The following SNTG2 variants were observed in gnomAD, a reference collection of about 807,000 sequenced individuals.
SNTG2 encodes gamma-2-syntrophin.
A neutral mutation model predicts 70.9 loss-of-function variants in SNTG2; 74 were observed. The observed-to-expected ratio is 1.04, with a 90% confidence interval of 0.86 to 1.27. SNTG2 has a LOEUF of 1.27. Among genes scored for constraint, SNTG2 ranks in the 50% most tolerant of loss-of-function variants. SNTG2 has a pLI of 0.00. For synonymous variants in SNTG2, 278 were observed against 273.8 expected (o/e 1.02, Z -0.15); for missense variants, 717 against 690.7 (o/e 1.04, Z -0.43).
Position 1,000,659 on chromosome 2 carries a change from C to T in SNTG2, c.72+49591C>T, listed in dbSNP as rs149552747. Among the ~76,000 whole-genome samples, 1,210 of 151,650 alleles carry T rather than the reference C, an allele frequency of 8.0e-3. 7 individuals are homozygous for T. Among genetic ancestry groups the T allele is most frequent in the Non-Finnish European group, 0.012 (786 of 67,716 alleles). ...TAACCAAAACAAGTCCAGGATCAGA[C>T]AGTTTCACAGATAAATTATACTAGA... On this transcript the variant is annotated intron_variant, in intron 1 of 16. Coordinates refer to ENST00000308624, the MANE Select transcript of SNTG2 (RefSeq NM_018968.4).
intron 1 of SNTG2, among the ~76,000 whole-genome samples, chr2:981,353 C>A (rs1257026198): frequency 6.6e-6 from 1 of 152,202 alleles, no homozygotes; most frequent in Non-Finnish European, 1.5e-5. Context: ...TGTTTCCAGG[C>A]ATGCACACAC....
intron 1 of SNTG2, among the ~76,000 whole-genome samples, chr2:953,251 T>C (rs1660036003): frequency 1.3e-5 from 2 of 152,258 alleles, no homozygotes; most frequent in Admixed American, 1.3e-4. Context: ...AAAATCCCAC[T>C]GGCAGACAAC....
At chr2:1,182,319 A>G (rs1368625966) in intron 8 of SNTG2, among the ~76,000 whole-genome samples, 1 of 141,658 alleles carries the variant, frequency 7.1e-6, no homozygotes, top group African/African-American at 2.6e-5. Flanking sequence ...AGAACAAAAT[A>G]TTTCTGATAG....
chr2:990,399 G>C, intron 1 of SNTG2, among the ~76,000 whole-genome samples: 1 of 152,172 alleles, frequency 6.6e-6, no homozygotes. Flanking sequence ...TGTAGGTGTT[G>C]GGAGTTGGTA....
intron 16 of SNTG2, among the ~76,000 whole-genome samples, chr2:1,324,742 C>T (rs1681692364): frequency 6.6e-6 from 1 of 152,162 alleles, no homozygotes; most frequent in African/African-American, 2.4e-5. Context: ...TTATGTTAGG[C>T]CTGGTTATTT....
At chr2:1,012,518 CAGAG>C (rs1659759006) in intron 1 of SNTG2, among the ~76,000 whole-genome samples, 1 of 151,724 alleles carries the variant, frequency 6.6e-6, no homozygotes, top group East Asian at 1.9e-4. Context: ...TTCATAAAGG[CAGAG>C]AGAAGGGTGA....
At position 1,247,462 on chromosome 2, in the gene SNTG2, C is replaced by A. The variant is rs950556597; in HGVS notation, c.1005+19C>A. On this transcript the variant is annotated intron_variant, in intron 12 of 16. Transcript: ENST00000308624. ...TCCTCCGGTAAGGATGCTTTTGACA[C>A]TCCACAGGGAGGGGCTGCTGGGAGG... is the stretch of plus-strand genomic sequence containing the variant. The A allele has an allele frequency of 8.4e-6, 13 of 1,546,504 alleles. No individual in the cohort carries two copies. Among genetic ancestry groups the A allele is most frequent in the Non-Finnish European group, 1.1e-5 (12 of 1,118,872 alleles).
At chr2:1,172,941 G>T in intron 7 of SNTG2, 151 bp from the exon 8 acceptor site, 1 of 667,660 alleles carries the variant, frequency 1.5e-6, no homozygotes, top group Non-Finnish European at 2.6e-6. Context: ...GAAAGTGAGA[G>T]GCCATTGGGG....
rs576559671 is a variant in SNTG2 at position 1,063,853 on chromosome 2, T to C, written c.73-19665T>C. 2.0e-3 allele frequency among the ~76,000 whole-genome samples: 297 copies of C among 152,268 alleles called. 1 individual carries two copies. Among genetic ancestry groups the C allele is most frequent in the African/African-American group, 6.8e-3 (283 of 41,570 alleles). On this transcript the variant is annotated intron_variant, in intron 1 of 16. Coordinates refer to ENST00000308624, the MANE Select transcript of SNTG2 (RefSeq NM_018968.4). ...CGACTTAAGTAGATTCCCAGAAGAA[T>C]GGAACAGAAGGGATATTTGAACATA...
intron 1 of SNTG2, among the ~76,000 whole-genome samples, chr2:965,539 C>T (rs1660527599): frequency 6.6e-6 from 1 of 151,820 alleles, no homozygotes; most frequent in African/African-American, 2.4e-5. Context: ...TCTCGGTCCT[C>T]CTCCTTGACC....
chr2:1,263,980 T>C (rs1017582989), intron 13 of SNTG2, among the ~76,000 whole-genome samples: 2 of 150,352 alleles, frequency 1.3e-5, no homozygotes, highest in Admixed American at 6.6e-5. Flanking sequence ...CAATTGACCT[T>C]TGAACAATAT....
At position 1,075,834 on chromosome 2, in the gene SNTG2, A is replaced by G. The variant is rs576630461; in HGVS notation, c.73-7684A>G. On this transcript the variant is annotated intron_variant, in intron 1 of 16. Coordinates refer to ENST00000308624, the MANE Select transcript of SNTG2 (RefSeq NM_018968.4). The stretch of plus-strand genomic sequence containing the variant: ...ATAAAGATAACCTGCCAGAAAAATG[A>G]CTGAATTGTATTGGACCACTGCTGT... Among the ~76,000 whole-genome samples the G allele has an allele frequency of 1.6e-3, 243 of 152,348 alleles. 4 individuals are homozygous for G. In the South Asian group the frequency reaches 0.019, roughly 12 times the overall value.
At chr2:1,203,688 A>ATGTG (rs1212941061) in intron 8 of SNTG2, among the ~76,000 whole-genome samples, 210 of 134,428 alleles carry the variant, frequency 1.6e-3, no homozygotes, top group African/African-American at 5.2e-3. Flanking sequence ...ATATATATAT[A>ATGTG]TATGTGTGTG....
At chr2:1,338,487 A>T (rs1194238920) in intron 16 of SNTG2, among the ~76,000 whole-genome samples, 1 of 151,960 alleles carries the variant, frequency 6.6e-6, no homozygotes, top group Non-Finnish European at 1.5e-5. Flanking sequence ...TCTTTTTCAG[A>T]TTATTCATTA....
chr2:1,161,931 A>T (rs1029550344), intron 6 of SNTG2, among the ~76,000 whole-genome samples: 1 of 152,004 alleles, frequency 6.6e-6, no homozygotes, highest in Admixed American at 6.5e-5. Flanking sequence ...AAAATTAGCC[A>T]GGCGAGATGG....
intron 1 of SNTG2, among the ~76,000 whole-genome samples, chr2:1,050,792 A>C (rs1379322221): frequency 6.6e-6 from 1 of 152,228 alleles, no homozygotes; most frequent in Non-Finnish European, 1.5e-5. Context: ...ATAATTCATC[A>C]AATCCATAAA....
At chr2:1,135,707 T>C (rs540557526) in intron 4 of SNTG2, among the ~76,000 whole-genome samples, 6 of 152,276 alleles carry the variant, frequency 3.9e-5, no homozygotes, top group South Asian at 4.1e-4. Context: ...GGGTGACAAG[T>C]GCAAGACTCT....
chr2:1,223,752 G>A (rs1268619376), intron 9 of SNTG2, among the ~76,000 whole-genome samples: 1 of 152,222 alleles, frequency 6.6e-6, no homozygotes, highest in African/African-American at 2.4e-5. Flanking sequence ...CCTTCAGGGT[G>A]TACATGACCT....
intron 1 of SNTG2, among the ~76,000 whole-genome samples, chr2:1,053,815 A>T (rs1040126456): frequency 2.2e-4 from 33 of 151,860 alleles, no homozygotes; most frequent in African/African-American, 7.5e-4. Context: ...CCTTTCCTCC[A>T]TTCTTTTCTG....
Sources: allele counts gnomAD v4.1 joint callset (sites outside exome capture counted in the v4.1 genomes callset), GRCh38; gene constraint gnomAD v4.1.1; transcripts MANE v1.5; gene names NCBI Gene and HGNC (gene_info 2026-07-23, HGNC 2026-07-21).